The following LRP8 variants were observed in gnomAD, a reference collection of about 807,000 sequenced individuals.
The protein encoded by LRP8 is low-density lipoprotein receptor-related protein 8.
In LRP8, 46 loss-of-function variants were observed where a neutral mutation model predicts 111.6. The ratio of observed to expected loss-of-function variants is 0.41; its 90% confidence interval spans 0.33 to 0.53. The LOEUF is 0.53. LRP8 is among the 20% of genes least tolerant of loss of function. The pLI is 0.20. For synonymous variants in LRP8, 464 were observed against 511.2 expected (o/e 0.91, Z 1.24); for missense variants, 959 against 1,297.4 (o/e 0.74, Z 4.01).
At chr1:53,311,589 C>T (rs1477225037) in intron 2 of LRP8, among the ~76,000 whole-genome samples, 47 of 151,312 alleles carry the variant, frequency 3.1e-4, no homozygotes, top group Admixed American at 2.9e-3. Flanking sequence ...CGTGGACCCT[C>T]CCTGCCCCCA....
intron 2 of LRP8, among the ~76,000 whole-genome samples, chr1:53,291,052 C>T (rs752901673): frequency 7.2e-5 from 11 of 152,152 alleles, no homozygotes; most frequent in African/African-American, 2.4e-4. Flanking sequence ...GCAGGGAGTC[C>T]GGAGGTCTGG....
At chr1:53,311,962 C>G (rs1487005317) in intron 2 of LRP8, among the ~76,000 whole-genome samples, 1 of 152,246 alleles carries the variant, frequency 6.6e-6, no homozygotes, top group Non-Finnish European at 1.5e-5. Flanking sequence ...TGCAGAGACT[C>G]ATACAAGGCA....
At chr1:53,290,799 A>G (rs1449212246) in intron 2 of LRP8, among the ~76,000 whole-genome samples, 3 of 152,056 alleles carry the variant, frequency 2.0e-5, no homozygotes, top group African/African-American at 7.2e-5. Flanking sequence ...CAGGACTTCC[A>G]TGGGGGAACT....
chr1:53,311,051 A>C (rs1652896453), intron 2 of LRP8, among the ~76,000 whole-genome samples: 1 of 152,156 alleles, frequency 6.6e-6, no homozygotes, highest in South Asian at 2.1e-4. Flanking sequence ...AGGGTAGCAC[A>C]GTGAGGGCTG....
At position 53,293,350 on chromosome 1, in the gene LRP8, T is replaced by G. The variant is rs1386151735; in HGVS notation, c.245-3661A>C. On this transcript the variant is annotated intron_variant, in intron 2 of 18. Coordinates refer to ENST00000306052, the MANE Select transcript of LRP8 (RefSeq NM_004631.5). This position sits in a 1 kb window ranked among gnomAD's most constrained non-coding sequence, Gnocchi z 4.9. ...TTGGCAACAGATTCGGTGGTGTTTT[T>G]GGGAACAGATTTGTTCACTGGCTGG... Among the ~76,000 whole-genome samples, 1 of 152,228 alleles carries G rather than the reference T, an allele frequency of 6.6e-6. No individual in the cohort carries two copies. The highest frequency in any genetic ancestry group is 1.5e-5 in the Non-Finnish European group (1 of 68,038).
chr1:53,316,767 G>A (rs941995043), intron 2 of LRP8, among the ~76,000 whole-genome samples: 1 of 152,262 alleles, frequency 6.6e-6, no homozygotes, highest in African/African-American at 2.4e-5. Flanking sequence ...CAAGGTGGGA[G>A]CAGAGGAGGA....
At chr1:53,278,510 C>G (rs1647000407) in intron 4 of LRP8, among the ~76,000 whole-genome samples, 1 of 152,218 alleles carries the variant, frequency 6.6e-6, no homozygotes, top group South Asian at 2.1e-4. Context: ...TCAGTTTCAC[C>G]AGGTAGGTAG....
In LRP8 at chr1:53,249,883, G is replaced by C. The variant is rs1645841777; in HGVS notation, c.2677-327C>G. On this transcript the variant is annotated intron_variant, in intron 17 of 18. Transcript: ENST00000306052. This position sits in a 1 kb window ranked among gnomAD's most constrained non-coding sequence, Gnocchi z 4.1. Reference sequence around the variant, plus strand: ...CATCTGTTCAACAAATATTTGTTGGGAGTCAGCCATGCCGTGCTAGGCATC... The same window carrying C: ...CATCTGTTCAACAAATATTTGTTGGCAGTCAGCCATGCCGTGCTAGGCATC... Among the ~76,000 whole-genome samples, 1 of 152,146 alleles carries C rather than the reference G, an allele frequency of 6.6e-6. No individual in the cohort carries two copies. Among genetic ancestry groups the C allele is most frequent in the Admixed American group, 6.5e-5 (1 of 15,274 alleles).
intron 2 of LRP8, among the ~76,000 whole-genome samples, chr1:53,322,529 G>A (rs1209194566): frequency 6.6e-6 from 1 of 152,196 alleles, no homozygotes; most frequent in Non-Finnish European, 1.5e-5. Flanking sequence ...CAGGCTCACA[G>A]GAAGAGGCGG....
intron 13 of LRP8, 51 bp from the exon 14 acceptor site, chr1:53,258,522 T>G: frequency 6.4e-7 from 1 of 1,559,588 alleles, no homozygotes. Context: ...ATGCCAGGTC[T>G]TCCTGCCTCC....
intron 3 of LRP8, among the ~76,000 whole-genome samples, chr1:53,282,184 A>G (rs1647134808): frequency 6.6e-6 from 1 of 152,212 alleles, no homozygotes; most frequent in South Asian, 2.1e-4. Flanking sequence ...ATCTGAGTCA[A>G]GGTCCCTGGA....
chr1:53,306,579 G>A (rs1330049315), intron 2 of LRP8, among the ~76,000 whole-genome samples: 1 of 152,202 alleles, frequency 6.6e-6, no homozygotes, highest in African/African-American at 2.4e-5. Context: ...CCAGTTGAGG[G>A]GTTGGATCCC....
At chr1:53,277,805 G>A (rs1314278472) in intron 4 of LRP8, among the ~76,000 whole-genome samples, 2 of 152,186 alleles carry the variant, frequency 1.3e-5, no homozygotes, top group Non-Finnish European at 2.9e-5. Flanking sequence ...CCCCTCAGTC[G>A]CGCAGGCGTC....
chr1:53,311,875 T>C lies in LRP8; in HGVS notation c.244+14998A>G, dbSNP rs200709460. Among the ~76,000 whole-genome samples, 6 of 152,220 alleles carry C rather than the reference T, an allele frequency of 3.9e-5. No homozygotes were observed. In the East Asian group the frequency reaches 1.2e-3, roughly 29 times the overall value. On this transcript the variant is annotated intron_variant, in intron 2 of 18. Transcript: ENST00000306052. ...TCAGTGTCCCCATCTGTACAATGGG[T>C]GGAGTCATTCCTGCTGGCCCACCTC...
At chr1:53,286,647 A>AGAACCAGAGG (rs1488121815) in intron 3 of LRP8, among the ~76,000 whole-genome samples, 1 of 152,254 alleles carries the variant, frequency 6.6e-6, no homozygotes, top group Non-Finnish European at 1.5e-5. Context: ...TACAGAACAC[A>AGAACCAGAGG]GAACCAGAGG....
intron 2 of LRP8, among the ~76,000 whole-genome samples, chr1:53,318,302 C>T (rs561142402): frequency 6.6e-6 from 1 of 151,556 alleles, no homozygotes; most frequent in Non-Finnish European, 1.5e-5. Context: ...GTTGTTCTCT[C>T]TCCTGGCTTT....
chr1:53,327,714 C>A (rs1655348515), intron 1 of LRP8, 75 bp downstream of exon 1: 8 of 1,366,766 alleles, frequency 5.9e-6, no homozygotes, highest in Middle Eastern at 2.6e-4. Flanking sequence ...GACCCCTCCC[C>A]GCTCCGGCCT....
At chr1:53,260,397 C>A in intron 13 of LRP8, 67 bp downstream of exon 13, 1 of 1,515,320 alleles carries the variant, frequency 6.6e-7, no homozygotes, top group African/African-American at 1.4e-5. Flanking sequence ...CACAGCCTGC[C>A]TGGTGAAAGG....
In LRP8 at chr1:53,280,648, C is replaced by T. The variant is rs75624781; in HGVS notation, c.435G>A (p.Ser145=). ...GPTSHKCVPA[S]WRCDGEKDCE... ...AGTCCTTCTCCCCGTCGCAGCGCCACGAGGCAGGTACACACTTGTGGCTGG... is the reference window on the plus strand; with the variant it reads ...AGTCCTTCTCCCCGTCGCAGCGCCATGAGGCAGGTACACACTTGTGGCTGG... The change falls in exon 4 of 19, where the codon TCG becomes TCA. Residue 145 remains serine, a synonymous_variant. Coordinates refer to ENST00000306052, the MANE Select transcript of LRP8 (RefSeq NM_004631.5). The T allele has an allele frequency of 3.5e-3, 5,652 of 1,613,546 alleles. 19 individuals are homozygous for T. The highest frequency in any genetic ancestry group is 4.0e-3 in the Non-Finnish European group (4,768 of 1,180,044).
Sources: gnomAD v4.1 joint callset for allele counts (sites outside exome capture counted in the v4.1 genomes callset) on GRCh38, gnomAD v4.1.1 for gene constraint, Gnocchi (gnomAD v3.1) non-coding constraint, MANE v1.5 for transcripts, NCBI Gene and HGNC (gene_info 2026-07-23, HGNC 2026-07-21) for gene names.